Variants in TMEM117 observed in about 807,000 individuals in gnomAD.
The protein encoded by TMEM117 is transmembrane protein 117.
TMEM117 carries 27 observed loss-of-function variants against 52.4 expected under a neutral mutation model. That is an observed-to-expected ratio of 0.51 (90% CI 0.38 to 0.71). The LOEUF is 0.71. Ranked by LOEUF, TMEM117 falls within the 30% of genes least tolerant of loss-of-function variation. The pLI, the probability that TMEM117 is intolerant of heterozygous loss-of-function variation, is 0.00. For synonymous variants in TMEM117, 215 were observed against 206.3 expected (o/e 1.04, Z -0.36); for missense variants, 556 against 630.5 (o/e 0.88, Z 1.26).
At chr12:44,090,506 G>A (rs185598049) in intron 3 of TMEM117, among the ~76,000 whole-genome samples, 6 of 151,018 alleles carry the variant, frequency 4.0e-5, no homozygotes, top group South Asian at 2.1e-4. Context: ...GCACAATCTC[G>A]GCTCACTGCA....
At chr12:44,251,999 G>A (rs841067) in intron 5 of TMEM117, among the ~76,000 whole-genome samples, 151,633 of 152,328 alleles carry the variant, frequency 1, 75,471 homozygotes, top group East Asian at 1. Flanking sequence ...ACTTCTTAGC[G>A]TAATGTTCAA....
chr12:44,351,446 G>A (rs959946830), intron 6 of TMEM117, among the ~76,000 whole-genome samples: 1 of 151,856 alleles, frequency 6.6e-6, no homozygotes, highest in African/African-American at 2.4e-5. Flanking sequence ...CCAATGTCTT[G>A]GTGATTTTCC....
intron 3 of TMEM117, among the ~76,000 whole-genome samples, chr12:44,042,110 A>C (rs1329553956): frequency 6.6e-6 from 1 of 152,236 alleles, no homozygotes; most frequent in Non-Finnish European, 1.5e-5. Context: ...ATCTCTGCCC[A>C]AAGGCTCATA....
At chr12:44,146,331 A>G (rs568020959) in intron 4 of TMEM117, among the ~76,000 whole-genome samples, 10 of 152,130 alleles carry the variant, frequency 6.6e-5, no homozygotes, top group East Asian at 1.9e-4. Context: ...ACTTTTTTCT[A>G]TATGAGAGAT....
At chr12:44,386,956 C>T (rs1032912250) in intron 7 of TMEM117, among the ~76,000 whole-genome samples, 1 of 151,834 alleles carries the variant, frequency 6.6e-6, no homozygotes, top group Non-Finnish European at 1.5e-5. Flanking sequence ...GTAACAATAA[C>T]GTTAAATAAT....
At chr12:44,143,040 C>T (rs1485434480) in intron 3 of TMEM117, among the ~76,000 whole-genome samples, 2 of 152,064 alleles carry the variant, frequency 1.3e-5, no homozygotes, top group Non-Finnish European at 2.9e-5. Context: ...GGAAATTTTT[C>T]TTAAATCTTG....
chr12:44,351,873 A>G (rs1309489682), intron 6 of TMEM117, among the ~76,000 whole-genome samples: 3 of 151,874 alleles, frequency 2.0e-5, no homozygotes, highest in African/African-American at 7.2e-5. Flanking sequence ...GAAAACTGAA[A>G]TGCTTCCGGG....
At chr12:44,125,358 C>T (rs1036578706) in intron 3 of TMEM117, among the ~76,000 whole-genome samples, 3 of 152,140 alleles carry the variant, frequency 2.0e-5, no homozygotes, top group Non-Finnish European at 4.4e-5. Flanking sequence ...CTGCCCGCCT[C>T]GGCCTCCCAA....
chr12:44,183,787 AC>A (rs1339752956), intron 4 of TMEM117, among the ~76,000 whole-genome samples: 1 of 152,144 alleles, frequency 6.6e-6, no homozygotes, highest in Non-Finnish European at 1.5e-5. Context: ...ATCACATAAA[AC>A]AGTGAGGGAG....
rs560551258 is a variant in TMEM117, at chr12:44,214,796, G to A, written c.608+3409G>A. ...CATTTCTATACATTTAGATTATCTT[G>A]ACAATGGTATTCATGGTTGTAAAAA... On this transcript the variant is annotated intron_variant, in intron 5 of 7. Coordinates refer to ENST00000266534, the MANE Select transcript of TMEM117 (RefSeq NM_032256.3). 1.2e-4 allele frequency among the ~76,000 whole-genome samples: 18 copies of A among 152,084 alleles called. No individual in the cohort carries two copies. In the South Asian group the frequency reaches 3.1e-3, roughly 26 times the overall value.
chr12:44,180,633 T>G (rs995309701), intron 4 of TMEM117, among the ~76,000 whole-genome samples: 6 of 151,752 alleles, frequency 4.0e-5, no homozygotes, highest in African/African-American at 1.5e-4. Context: ...GATAGTTTAC[T>G]GAGAATGATG....
chr12:43,963,977 T>C (rs1253041559), intron 3 of TMEM117, among the ~76,000 whole-genome samples: 5 of 152,054 alleles, frequency 3.3e-5, no homozygotes, highest in Non-Finnish European at 7.4e-5. Flanking sequence ...TTAAAACTAA[T>C]ATGTATCAAT....
chr12:44,026,968 C>T (rs1465047769), intron 3 of TMEM117, among the ~76,000 whole-genome samples: 1 of 151,596 alleles, frequency 6.6e-6, no homozygotes, highest in African/African-American at 2.4e-5. Flanking sequence ...TTCGATAACT[C>T]TTTCATTAAT....
chr12:44,219,282 C>T (rs1949758381), intron 5 of TMEM117, among the ~76,000 whole-genome samples: 1 of 151,628 alleles, frequency 6.6e-6, no homozygotes, highest in Non-Finnish European at 1.5e-5. Context: ...GACTATTTCA[C>T]ATTAACTCCC....
the TMEM117 span, among the ~76,000 whole-genome samples, chr12:44,396,548 A>G: frequency 6.6e-6 from 1 of 152,082 alleles, no homozygotes; most frequent in African/African-American, 2.4e-5. Context: ...AAGTGAAATA[A>G]TGTACTTAGA....
chr12:43,872,718 G>A (rs1286095394), intron 2 of TMEM117, among the ~76,000 whole-genome samples: 1 of 152,142 alleles, frequency 6.6e-6, no homozygotes, highest in Non-Finnish European at 1.5e-5. Context: ...ATAATAGTGT[G>A]CTTTCCCACT....
chr12:44,314,834 T>G (rs1951034551), intron 6 of TMEM117, among the ~76,000 whole-genome samples: 1 of 152,212 alleles, frequency 6.6e-6, no homozygotes. Flanking sequence ...ATAGAATTAG[T>G]ACGAGCTCTT....
At chr12:44,242,792 C>T (rs1023806581) in intron 5 of TMEM117, among the ~76,000 whole-genome samples, 1 of 150,184 alleles carries the variant, frequency 6.7e-6, no homozygotes, top group Non-Finnish European at 1.5e-5. Flanking sequence ...TATGGGATTG[C>T]TGGGTCAAAT....
At chr12:44,087,625 C>T (rs1166095094) in intron 3 of TMEM117, among the ~76,000 whole-genome samples, 1 of 152,050 alleles carries the variant, frequency 6.6e-6, no homozygotes, top group Non-Finnish European at 1.5e-5. Flanking sequence ...CCCCCACGCC[C>T]GACCAATTTC....
Sources: allele counts gnomAD v4.1 joint callset (sites outside exome capture counted in the v4.1 genomes callset), GRCh38; gene constraint gnomAD v4.1.1; transcripts MANE v1.5; gene names NCBI Gene and HGNC (gene_info 2026-07-23, HGNC 2026-07-21).